PPP3CA: variants seen among roughly 807,000 people sequenced by gnomAD.
PPP3CA encodes the protein CAM-PRP catalytic subunit.
Under a neutral mutation model 66.5 loss-of-function variants are expected in PPP3CA, and 14 were observed. The ratio of observed to expected loss-of-function variants is 0.21; its 90% CI spans 0.14 to 0.33. PPP3CA has a LOEUF of 0.33. PPP3CA is among the 10% of genes least tolerant of loss of function. PPP3CA has a pLI of 1.00. For synonymous variants in PPP3CA, 232 were observed against 226.2 expected, an observed-to-expected ratio of 1.03 and a Z score of -0.23; for missense variants, 317 against 639.5, an observed-to-expected ratio of 0.50 and a Z score of 5.44.
At chr4:101,257,610 T>C (rs1726886636) in intron 1 of PPP3CA, among the ~76,000 whole-genome samples, 1 of 152,080 alleles carries the variant, frequency 6.6e-6, no homozygotes. Flanking sequence ...GCATGCTCTA[T>C]AAAGTGCTAC....
chr4:101,170,702 A>G (rs985731868), intron 2 of PPP3CA, among the ~76,000 whole-genome samples: 2 of 152,166 alleles, frequency 1.3e-5, no homozygotes, highest in African/African-American at 4.8e-5. Context: ...GGATTTTACT[A>G]AGAAAAGTAA....
chr4:101,041,383 C>T (rs1213993346), intron 10 of PPP3CA, among the ~76,000 whole-genome samples: 2 of 151,034 alleles, frequency 1.3e-5, no homozygotes, highest in Admixed American at 6.6e-5. Flanking sequence ...CTTTTAATTC[C>T]CGAGGTACAT....
chr4:101,177,339 A>G (rs1486242532), intron 2 of PPP3CA, among the ~76,000 whole-genome samples: 2 of 152,150 alleles, frequency 1.3e-5, no homozygotes, highest in Admixed American at 1.3e-4. Context: ...ATGAAAACCA[A>G]CAAGGGCTTT....
intron 2 of PPP3CA, among the ~76,000 whole-genome samples, chr4:101,144,062 T>G (rs1182644465): frequency 6.6e-6 from 1 of 152,148 alleles, no homozygotes; most frequent in Non-Finnish European, 1.5e-5. Flanking sequence ...TAAATATTTA[T>G]TAAAATCCTA....
chr4:101,246,113 C>A (rs1180115532), intron 1 of PPP3CA, among the ~76,000 whole-genome samples: 4 of 152,164 alleles, frequency 2.6e-5, no homozygotes, highest in Non-Finnish European at 5.9e-5. Flanking sequence ...AGGCTTCTAT[C>A]TTTCCCAATT....
chr4:101,299,391 T>G (rs574229438), intron 1 of PPP3CA, among the ~76,000 whole-genome samples: 30 of 143,700 alleles, frequency 2.1e-4, no homozygotes, highest in East Asian at 9.9e-4. Context: ...GTTTTTTGGG[T>G]TTTTTTTTTG....
At chr4:101,281,967 T>C (rs1001216493) in intron 1 of PPP3CA, among the ~76,000 whole-genome samples, 74 of 152,278 alleles carry the variant, frequency 4.9e-4, no homozygotes, top group African/African-American at 1.8e-3. Context: ...TCAGGGGGCC[T>C]ATAAATACAC....
intron 11 of PPP3CA, among the ~76,000 whole-genome samples, chr4:101,032,864 A>G (rs1727047035): frequency 6.6e-6 from 1 of 152,214 alleles, no homozygotes; most frequent in African/African-American, 2.4e-5. Context: ...GTGGACTTTG[A>G]GAAATTAAGG....
chr4:101,223,760 T>C (rs1725697390), intron 1 of PPP3CA, among the ~76,000 whole-genome samples: 1 of 151,880 alleles, frequency 6.6e-6, no homozygotes, highest in African/African-American at 2.4e-5. Context: ...GTATAATTAC[T>C]TAATATCATT....
At chr4:101,174,386 A>G (rs908702416) in intron 2 of PPP3CA, among the ~76,000 whole-genome samples, 8 of 152,184 alleles carry the variant, frequency 5.3e-5, no homozygotes, top group Non-Finnish European at 8.8e-5. Context: ...ATTCTTCACT[A>G]AAGTGCAATG....
At chr4:101,171,350 C>CAA (rs35058537) in intron 2 of PPP3CA, 15,840 of 190,784 alleles carry the variant, frequency 0.083, 480 homozygotes, top group Non-Finnish European at 0.11. Context: ...ACAATTCTTT[C>CAA]AAAAAAAAAA....
At chr4:101,223,929 T>C (rs1442988316) in intron 1 of PPP3CA, among the ~76,000 whole-genome samples, 1 of 151,684 alleles carries the variant, frequency 6.6e-6, no homozygotes, top group Non-Finnish European at 1.5e-5. Flanking sequence ...CAGTCTCCAA[T>C]CTTTTTTAAA....
chr4:101,290,853 A>G (rs941166905), intron 1 of PPP3CA, among the ~76,000 whole-genome samples: 3 of 152,196 alleles, frequency 2.0e-5, no homozygotes, highest in African/African-American at 7.2e-5. Context: ...GACTGACATA[A>G]CCCAACTCCC....
chr4:101,229,558 C>A (rs1171416249), intron 1 of PPP3CA, among the ~76,000 whole-genome samples: 1 of 151,394 alleles, frequency 6.6e-6, no homozygotes, highest in African/African-American at 2.4e-5. Flanking sequence ...TCTATTTATT[C>A]TTTGCAAAAG....
intron 2 of PPP3CA, among the ~76,000 whole-genome samples, chr4:101,152,062 G>A (rs1383330833): frequency 6.6e-6 from 1 of 152,190 alleles, no homozygotes; most frequent in Non-Finnish European, 1.5e-5. Flanking sequence ...GCAGATTTGA[G>A]TTGCTACAAA....
rs75134882 is a variant in PPP3CA at position 101,343,906 on chromosome 4, C to T, written c.58+2833G>A. Among the ~76,000 whole-genome samples, 662 of 152,182 alleles carry T rather than the reference C, an allele frequency of 4.4e-3. 5 individuals carry two copies. The highest frequency in any genetic ancestry group is 0.015 in the African/African-American group (626 of 41,540). ...CAAGCACATCTTTATTTGTAAATAG[C>T]AATTTCTTATACAACAAAAGCCAGA... On this transcript the variant is annotated intron_variant, in intron 1 of 13. Transcript: ENST00000394854.
At chr4:101,143,014 A>C (rs1722859415) in intron 2 of PPP3CA, among the ~76,000 whole-genome samples, 1 of 152,086 alleles carries the variant, frequency 6.6e-6, no homozygotes, top group African/African-American at 2.4e-5. Context: ...TCTCTTTCCC[A>C]GCCACCCTTT....
At chr4:101,302,605 AC>A (rs1176848931) in intron 1 of PPP3CA, among the ~76,000 whole-genome samples, 2 of 152,208 alleles carry the variant, frequency 1.3e-5, no homozygotes, top group African/African-American at 2.4e-5. Context: ...ATCTCAGCTT[AC>A]CGCAACCTCC....
chr4:101,310,444 C>T (rs961186050), intron 1 of PPP3CA, among the ~76,000 whole-genome samples: 5 of 152,120 alleles, frequency 3.3e-5, no homozygotes, highest in Non-Finnish European at 7.4e-5. Context: ...CTTTGGGAGG[C>T]CCAAGTGGAA....
Sources: allele counts gnomAD v4.1 joint callset (sites outside exome capture counted in the v4.1 genomes callset), GRCh38; gene constraint gnomAD v4.1.1; transcripts MANE v1.5; gene names NCBI Gene and HGNC (gene_info 2026-07-23, HGNC 2026-07-21).